ZNF438: variants seen among roughly 807,000 people sequenced by gnomAD.
ZNF438 encodes zinc finger protein 438.
In ZNF438, 25 loss-of-function variants were observed where a neutral mutation model predicts 38.0. The ratio of observed to expected loss-of-function variants is 0.66; its 90% CI spans 0.48 to 0.92. ZNF438 has a LOEUF of 0.92. Ranked by LOEUF, ZNF438 falls within the 40% of genes least tolerant of loss-of-function variation. ZNF438 has a pLI of 0.00. For synonymous variants in ZNF438, 372 were observed against 364.1 expected, an observed-to-expected ratio of 1.02 and a Z score of -0.25; for missense variants, 1,007 against 999.6, an observed-to-expected ratio of 1.01 and a Z score of -0.10.
intron 1 of ZNF438, among the ~76,000 whole-genome samples, chr10:30,972,638 A>G (rs536052170): frequency 1.3e-5 from 2 of 152,278 alleles, no homozygotes; most frequent in East Asian, 3.9e-4. Context: ...GGCCCCTTCA[A>G]TTTACAAATC....
At chr10:30,860,766 G>T (rs1426043703) in intron 4 of ZNF438, among the ~76,000 whole-genome samples, 10 of 152,158 alleles carry the variant, frequency 6.6e-5, no homozygotes, top group African/African-American at 1.9e-4. Flanking sequence ...GCTACTTTAT[G>T]GAGACACTCC....
intron 2 of ZNF438, among the ~76,000 whole-genome samples, chr10:30,928,694 A>G (rs2045257063): frequency 6.6e-6 from 1 of 152,256 alleles, no homozygotes. Flanking sequence ...AGATCAGACC[A>G]GACATTCAGT....
At chr10:30,986,682 A>T (rs748103837) in intron 1 of ZNF438, among the ~76,000 whole-genome samples, 1 of 152,196 alleles carries the variant, frequency 6.6e-6, no homozygotes, top group African/African-American at 2.4e-5. Context: ...ATACTTATTG[A>T]GTATCCCTAA....
chr10:30,973,861 T>A (rs1183950613), intron 1 of ZNF438, among the ~76,000 whole-genome samples: 1 of 152,212 alleles, frequency 6.6e-6, no homozygotes, highest in South Asian at 2.1e-4. Context: ...AACTGTGACA[T>A]GTTCATTATT....
intron 1 of ZNF438, among the ~76,000 whole-genome samples, chr10:30,944,996 T>C (rs1218224739): frequency 6.6e-6 from 1 of 152,094 alleles, no homozygotes; most frequent in Non-Finnish European, 1.5e-5. Context: ...GAAACAACTT[T>C]TGGTTTTGTG....
At chr10:30,938,344 C>CAGCT (rs1469209616) in intron 2 of ZNF438, among the ~76,000 whole-genome samples, 1 of 151,546 alleles carries the variant, frequency 6.6e-6, no homozygotes, top group Non-Finnish European at 1.5e-5. Context: ...ATGGCACAAT[C>CAGCT]AGCTCACTGC....
At chr10:30,997,061 ATT>A (rs1488172186) in intron 1 of ZNF438, among the ~76,000 whole-genome samples, 1 of 152,190 alleles carries the variant, frequency 6.6e-6, no homozygotes, top group Non-Finnish European at 1.5e-5. Context: ...CCAGAAAGAC[ATT>A]TGTAGCTATA....
At chr10:30,877,390 T>G (rs993971485) in intron 3 of ZNF438, among the ~76,000 whole-genome samples, 2 of 152,212 alleles carry the variant, frequency 1.3e-5, no homozygotes, top group South Asian at 4.1e-4. Context: ...GATAATTGCT[T>G]CATATACTTT....
chr10:30,947,762 T>G (rs1466880474), intron 1 of ZNF438, among the ~76,000 whole-genome samples: 1 of 152,202 alleles, frequency 6.6e-6, no homozygotes, highest in Non-Finnish European at 1.5e-5. Flanking sequence ...AAAAGCGCAG[T>G]ATTCGGGAGG....
chr10:30,850,278 G>A, exon 5 of ZNF438: 3 of 1,614,124 alleles, frequency 1.9e-6, no homozygotes, highest in Non-Finnish European at 2.5e-6. Context: ...AGGACTTTGG[G>A]CACAATTTTT....
At chr10:30,847,724 C>T (rs1397239585) in intron 5 of ZNF438, among the ~76,000 whole-genome samples, 4 of 152,306 alleles carry the variant, frequency 2.6e-5, no homozygotes, top group South Asian at 2.1e-4. Context: ...TGGTGCCAAC[C>T]GTGGAAGCTG....
chr10:30,925,702 C>A (rs1390179845), intron 2 of ZNF438, among the ~76,000 whole-genome samples: 2 of 152,162 alleles, frequency 1.3e-5, no homozygotes, highest in Non-Finnish European at 2.9e-5. Flanking sequence ...TGAATGCCAA[C>A]TTCCAGGTTA....
intron 1 of ZNF438, among the ~76,000 whole-genome samples, chr10:30,956,308 T>C (rs563558720): frequency 6.6e-6 from 1 of 152,322 alleles, no homozygotes; most frequent in African/African-American, 2.4e-5. Context: ...TTTACGTAAA[T>C]ATGTGTGTGA....
At chr10:30,899,033 A>G (rs2041688681) in intron 3 of ZNF438, among the ~76,000 whole-genome samples, 1 of 152,176 alleles carries the variant, frequency 6.6e-6, no homozygotes, top group South Asian at 2.1e-4. Context: ...AGGTCCCGTT[A>G]TTCTATCTTT....
At chr10:31,021,915 G>A (rs2056623274) in intron 1 of ZNF438, among the ~76,000 whole-genome samples, 2 of 150,974 alleles carry the variant, frequency 1.3e-5, no homozygotes, top group South Asian at 4.1e-4. Context: ...TAAGTGAGAA[G>A]CTGCCAAAGA....
At chr10:30,855,750 C>T (rs1052290899) in intron 4 of ZNF438, among the ~76,000 whole-genome samples, 2 of 152,196 alleles carry the variant, frequency 1.3e-5, no homozygotes, top group African/African-American at 4.8e-5. Flanking sequence ...ATCTGGAATA[C>T]TCTCCAAGAT....
In ZNF438 at chr10:30,947,605, C is replaced by T. The variant is rs183814353; in HGVS notation, c.-191-5954G>A. 4.9e-3 allele frequency among the ~76,000 whole-genome samples: 753 copies of T among 152,390 alleles called. 10 individuals carry two copies. Among genetic ancestry groups the T allele is most frequent in the African/African-American group, 0.017 (702 of 41,594 alleles). On this transcript the variant is annotated intron_variant, in intron 1 of 5. Coordinates refer to ENST00000413025, the Ensembl canonical transcript of ZNF438. ...TTACCTAATCAAGCCTGGGCAATGG[C>T]GGGTGCCCCTCTCCCAGCCTCACTG...
At chr10:30,865,471 G>A (rs755846849) in intron 4 of ZNF438, among the ~76,000 whole-genome samples, 4 of 152,086 alleles carry the variant, frequency 2.6e-5, no homozygotes, top group Non-Finnish European at 5.9e-5. Context: ...AATGACAAAG[G>A]TCTTTTATAA....
intron 2 of ZNF438, among the ~76,000 whole-genome samples, chr10:30,931,146 C>G (rs1000580470): frequency 6.6e-6 from 1 of 152,174 alleles, no homozygotes; most frequent in African/African-American, 2.4e-5. Flanking sequence ...GGTAGGTAGA[C>G]ATTTGGTGTG....
Sources: allele counts gnomAD v4.1 joint callset (sites outside exome capture counted in the v4.1 genomes callset), GRCh38; gene constraint gnomAD v4.1.1; transcripts MANE v1.5; gene names NCBI Gene and HGNC (gene_info 2026-07-23, HGNC 2026-07-21).